Variants in EGFL6 observed in about 807,000 individuals in gnomAD.
The protein encoded by EGFL6 is EGF like domain multiple 6.
A neutral mutation model predicts 43.1 loss-of-function variants in EGFL6; 42 were observed. The observed-to-expected ratio is 0.98, with a 90% CI of 0.76 to 1.26. The LOEUF (loss-of-function observed/expected upper bound fraction) is 1.26, where lower values mean the gene tolerates loss of function less well. Ranked by LOEUF, EGFL6 falls within the 50% of genes most tolerant of loss-of-function variation. EGFL6 has a pLI of 0.00. For missense variants in EGFL6, 429 were observed against 427.8 expected (o/e 1.00, Z -0.02); for synonymous variants, 164 against 163.2 (o/e 1.01, Z -0.04).
intron 1 of EGFL6, among the ~76,000 whole-genome samples, chrX:13,571,283 G>C (rs988425956): frequency 9.0e-6 from 1 of 111,034 alleles, no homozygotes; most frequent in African/African-American, 3.3e-5. Flanking sequence ...CAGGCTTCTC[G>C]AAGGTTTGCC....
chrX:13,590,858 T>G (rs1248162182), intron 2 of EGFL6, among the ~76,000 whole-genome samples: 1 of 111,876 alleles, frequency 8.9e-6, no homozygotes, highest in Non-Finnish European at 1.9e-5. Flanking sequence ...AATATCCTCC[T>G]GGGACTTGTG....
At chrX:13,619,140 A>C in intron 8 of EGFL6, 23 bp from the exon 9 acceptor site, 2 of 1,195,941 alleles carry the variant, frequency 1.7e-6, no homozygotes, top group African/African-American at 3.5e-5. Flanking sequence ...TTTTTTCTTA[A>C]CTGACCAAGT....
chrX:13,607,853 G>T (rs891747246), intron 6 of EGFL6, among the ~76,000 whole-genome samples: 36 of 112,246 alleles, frequency 3.2e-4, no homozygotes, highest in African/African-American at 1.1e-3. Flanking sequence ...AAACCCAGCA[G>T]ACAAGCTCAG....
Position 13,623,945 on chromosome X carries a change from T to G in EGFL6, c.1285+20T>G. ...ATAATGGTATTTATATTTGACAGTT[T>G]CATGTTCTGCAATATGGTGAAGGGA... On this transcript the variant is annotated intron_variant, in intron 10 of 11. Coordinates refer to ENST00000361306, the MANE Select transcript of EGFL6 (RefSeq NM_015507.4). The G allele has an allele frequency of 8.9e-7, 1 of 1,121,897 alleles. No individual in the cohort carries two copies. The highest frequency in any genetic ancestry group is 2.4e-4 in the Middle Eastern group (1 of 4,155). The allele number at this position is 1,121,897 out of a possible 1,213,427, so 92.5% of individuals were successfully genotyped here.
At chrX:13,593,063 C>T (rs972334432) in intron 2 of EGFL6, among the ~76,000 whole-genome samples, 10 of 109,187 alleles carry the variant, frequency 9.2e-5, no homozygotes, top group South Asian at 8.1e-4. Context: ...TACAGGTGCC[C>T]GCCACCACGC....
intron 2 of EGFL6, among the ~76,000 whole-genome samples, chrX:13,594,342 C>T (rs1483767885): frequency 8.9e-6 from 1 of 111,941 alleles, no homozygotes; most frequent in Non-Finnish European, 1.9e-5. Flanking sequence ...CTTTCTCATG[C>T]CTCCATCATC....
rs767997080 is a variant in EGFL6 at position 13,587,059 on chromosome X, A to G, written c.75-2497A>G. Among the ~76,000 whole-genome samples, 7 of 111,965 alleles carry G rather than the reference A, an allele frequency of 6.3e-5. No homozygotes were observed. In the South Asian group the frequency reaches 2.6e-3, roughly 42 times the overall value. ...GACAAAAAGCAGATTTGTGGTTGCC[A>G]GGAGATGAAGGGAGAAGTTAGTTAA... On this transcript the variant is annotated intron_variant, in intron 1 of 11. Coordinates refer to ENST00000361306, the MANE Select transcript of EGFL6 (RefSeq NM_015507.4).
intron 1 of EGFL6, among the ~76,000 whole-genome samples, chrX:13,581,661 T>A (rs937192920): frequency 2.7e-5 from 3 of 112,445 alleles, no homozygotes; most frequent in Non-Finnish European, 5.6e-5. Context: ...GCACAGTATA[T>A]TTTTGCAGAA....
intron 1 of EGFL6, among the ~76,000 whole-genome samples, chrX:13,584,363 C>T (rs924864368): frequency 8.9e-6 from 1 of 111,898 alleles, no homozygotes; most frequent in African/African-American, 3.3e-5. Flanking sequence ...TCTGGACCTT[C>T]CTGCTCTTTG....
rs2045823495 is a variant in EGFL6 at position 13,633,213 on chromosome X, A to C, written c.*118A>C. 1 of 540,135 alleles carries C rather than the reference A, an allele frequency of 1.9e-6. No individual in the cohort carries two copies. The highest frequency in any genetic ancestry group is 2.5e-5 in the African/African-American group (1 of 40,767). 44.5% of individuals were successfully genotyped at this position (540,135 alleles called of 1,213,427 possible). Reference sequence around the variant, plus strand: ...TGAAAAATTGTAATGTACCAACAGAAATATTATTGTAAGATGCCTTTCTTG... The same window carrying C: ...TGAAAAATTGTAATGTACCAACAGACATATTATTGTAAGATGCCTTTCTTG... On this transcript the variant is annotated 3_prime_UTR_variant, in exon 12 of 12. Transcript: ENST00000361306.
chrX:13,613,836 T>G (rs2045705108), intron 7 of EGFL6, among the ~76,000 whole-genome samples: 1 of 112,123 alleles, frequency 8.9e-6, no homozygotes, highest in Admixed American at 9.4e-5. Context: ...ATATGCTGAT[T>G]GCTTAATTCA....
chrX:13,620,217 T>C (rs1311336319), intron 9 of EGFL6, among the ~76,000 whole-genome samples: 2 of 111,733 alleles, frequency 1.8e-5, no homozygotes, highest in Non-Finnish European at 3.8e-5. Context: ...TCACCACTCA[T>C]GACAAATTAC....
At chrX:13,604,535 G>A (rs1266636026) in intron 5 of EGFL6, among the ~76,000 whole-genome samples, 1 of 111,696 alleles carries the variant, frequency 9.0e-6, no homozygotes, top group Non-Finnish European at 1.9e-5. Flanking sequence ...CCTTTGGCAG[G>A]TATGGAAACT....
chrX:13,599,865 G>A, intron 3 of EGFL6, 110 bp from the exon 4 acceptor site: 2 of 831,727 alleles, frequency 2.4e-6, no homozygotes, highest in Non-Finnish European at 3.5e-6. Flanking sequence ...AAGTGGTGGT[G>A]TTCAGGGAAG....
At chrX:13,593,718 T>G (rs1400579656) in intron 2 of EGFL6, among the ~76,000 whole-genome samples, 1 of 111,854 alleles carries the variant, frequency 8.9e-6, no homozygotes, top group African/African-American at 3.3e-5. Flanking sequence ...GAGTTGGTGG[T>G]AGAAACAGGG....
chrX:13,592,289 A>T (rs1409651284), intron 2 of EGFL6, among the ~76,000 whole-genome samples: 1 of 111,490 alleles, frequency 9.0e-6, no homozygotes, highest in Non-Finnish European at 1.9e-5. Context: ...ATCCATAACA[A>T]AGTAGACACT....
At chrX:13,577,331 TATATATATATACATAC>T (rs1569201009) in intron 1 of EGFL6, among the ~76,000 whole-genome samples, 1 of 15,693 alleles carries the variant, frequency 6.4e-5, no homozygotes, top group African/African-American at 2.0e-4. Context: ...TATATATATA[TATATATATATACATAC>T]ACACACACAC....
intron 4 of EGFL6, 29 bp from the exon 5 acceptor site, chrX:13,603,288 G>T (rs956698104): frequency 2.6e-6 from 3 of 1,171,734 alleles, no homozygotes; most frequent in African/African-American, 3.6e-5. Flanking sequence ...TCTCAAGAGA[G>T]AAAGGCTAAT....
intron 3 of EGFL6, among the ~76,000 whole-genome samples, chrX:13,599,021 G>A (rs1281093607): frequency 9.5e-6 from 1 of 105,803 alleles, no homozygotes; most frequent in African/African-American, 3.5e-5. Context: ...ATTAAATATT[G>A]TCCTCCAACT....
Sources: gnomAD v4.1 joint callset for allele counts (sites outside exome capture counted in the v4.1 genomes callset) on GRCh38, gnomAD v4.1.1 for gene constraint, MANE v1.5 for transcripts, NCBI Gene and HGNC (gene_info 2026-07-23, HGNC 2026-07-21) for gene names.